AURKAIP1: variants seen among roughly 807,000 people sequenced by gnomAD.
AURKAIP1 encodes the protein aurora kinase A interacting protein 1.
In AURKAIP1, 20 loss-of-function variants were observed where a neutral mutation model predicts 18.4. That is an observed-to-expected ratio of 1.09 (90% CI 0.77 to 1.58). The LOEUF (loss-of-function observed/expected upper bound fraction) is 1.58, where lower values mean the gene tolerates loss of function less well. Ranked by LOEUF, AURKAIP1 falls within the 40% of genes most tolerant of loss-of-function variation. AURKAIP1 has a pLI of 0.00. For synonymous variants in AURKAIP1, 156 were observed against 120.8 expected, an observed-to-expected ratio of 1.29 and a Z score of -1.91; for missense variants, 319 against 270.7, an observed-to-expected ratio of 1.18 and a Z score of -1.25.
In AURKAIP1 at chr1:1,374,737, G is replaced by C. The variant is rs1316698314; in HGVS notation, c.20C>G (p.Thr7Ser). MLLGRL[T>S]SQLLRAVPWA... Reference sequence around the variant, plus strand: ...AGGAACGGCCCTCAACAGCTGGGAAGTCAGGCGCCCCAGGAGCATGGTCTG... The same window carrying C: ...AGGAACGGCCCTCAACAGCTGGGAACTCAGGCGCCCCAGGAGCATGGTCTG... The change falls in exon 2 of 4, where the codon ACT (threonine) becomes AGT (serine). Residue 7 changes from threonine to serine, a missense_variant. Coordinates refer to ENST00000338338, the MANE Select transcript of AURKAIP1 (RefSeq NM_017900.3). The C allele has an allele frequency of 2.6e-6, 4 of 1,561,240 alleles. No homozygotes were observed. The highest frequency in any genetic ancestry group is 3.5e-6 in the Non-Finnish European group (4 of 1,153,114).
chr1:1,375,053 T>C (rs906128527), intron 1 of AURKAIP1, 101 bp downstream of exon 1: 2 of 335,734 alleles, frequency 6.0e-6, no homozygotes, highest in Non-Finnish European at 1.1e-5. Flanking sequence ...CCCGCGCGAA[T>C]CGCGTTGCCT....
rs1251209102 is a variant in AURKAIP1, at chr1:1,374,847, G to GGCCGGGACTGGGGCGTCTGGTCCC, written c.-34-81_-34-58dup. ...GCAGCGCCTTCAGTAGTCGCGGGCG[G>GGCCGGGACTGGGGCGTCTGGTCCC]GCCGGGACTGGGGCGTCTGGTCCCG... On this transcript the variant is annotated intron_variant, in intron 1 of 3. Transcript: ENST00000338338. The GGCCGGGACTGGGGCGTCTGGTCCC allele has an allele frequency of 1.6e-4, 203 of 1,270,612 alleles. No individual in the cohort carries two copies. The African/African-American group carries it at 2.8e-3, about 18-fold the overall frequency. The allele number at this position is 1,270,612 out of a possible 1,614,324, so 78.7% of individuals were successfully genotyped here. A position where few individuals can be genotyped will look rare whatever the true frequency, so the allele number is the denominator to read the frequency against.
chr1:1,374,153 C>G lies in AURKAIP1; in HGVS notation c.345G>C (p.Gly115=). 2 of 1,613,984 alleles carry G rather than the reference C, an allele frequency of 1.2e-6. No individual in the cohort carries two copies. The highest frequency in any genetic ancestry group is 4.5e-5 in the East Asian group (2 of 44,890). The change falls in exon 3 of 4, where the codon GGG becomes GGC. Residue 115 remains glycine (G), a synonymous_variant. Coordinates refer to ENST00000338338, the MANE Select transcript of AURKAIP1 (RefSeq NM_017900.3). The stretch of plus-strand genomic sequence containing the variant: ...GAGGCGCATCCGCGACGCCTTCATC[C>G]CCCTGCTCGGCCCCTTCCCCTATCT... The part of the protein sequence containing the change: ...PSQIGEGAEQ[G]DEGVADAPQI...
Position 1,373,987 on chromosome 1 carries a change from G to A in AURKAIP1, c.498+13C>T, listed in dbSNP as rs765425357. On this transcript the variant is annotated intron_variant, in intron 3 of 3. Coordinates refer to ENST00000338338, the MANE Select transcript of AURKAIP1 (RefSeq NM_017900.3). ...CACTTTGCCCTCCCAGGGCCAAGCAGGGGGCCACTCACCTGCTTGCGTCTC... is the reference window on the plus strand; with the variant it reads ...CACTTTGCCCTCCCAGGGCCAAGCAAGGGGCCACTCACCTGCTTGCGTCTC... 3 of 1,608,272 alleles carry A rather than the reference G, an allele frequency of 1.9e-6. No individual in the cohort carries two copies. The highest frequency in any genetic ancestry group is 1.7e-4 in the Middle Eastern group (1 of 6,054).
rs772595313 is a variant in AURKAIP1 at position 1,374,270 on chromosome 1, G to C, written c.228C>G (p.Ser76Arg). Residue 76 changes from serine (S) to arginine (R), a missense_variant, in exon 3 of 4, where the codon AGC (serine) becomes AGG (arginine). By Grantham distance (110) the Ser-to-Arg change is moderately radical. Transcript: ENST00000338338. Reference sequence around the variant, plus strand: ...GCAGGAAGCAGCGGGCCGTGAGCCAGCTCTCCAGGGGGCTGACGGACATCT... The same window carrying C: ...GCAGGAAGCAGCGGGCCGTGAGCCACCTCTCCAGGGGGCTGACGGACATCT... ...PRKMSVSPLE[S>R]WLTARCFLPR... is the part of the protein sequence containing the mutation. 1.9e-6 allele frequency: 3 copies of C among 1,604,366 alleles called. No homozygotes were observed. Among genetic ancestry groups the C allele is most frequent in the African/African-American group, 1.3e-5 (1 of 74,852 alleles).
Position 1,373,775 on chromosome 1 carries a change from A to C in AURKAIP1, c.*26T>G. On this transcript the variant is annotated 3_prime_UTR_variant, in exon 4 of 4. Coordinates refer to ENST00000338338, the MANE Select transcript of AURKAIP1 (RefSeq NM_017900.3). ...ATTTATTACTACGGATCACAGCAGCAACGGGCGGGAAGGGCGGCGCCAGAC... is the reference window on the plus strand; with the variant it reads ...ATTTATTACTACGGATCACAGCAGCCACGGGCGGGAAGGGCGGCGCCAGAC... The C allele has an allele frequency of 1.9e-6, 3 of 1,579,844 alleles. No homozygotes were observed. The highest frequency in any genetic ancestry group is 2.6e-6 in the Non-Finnish European group (3 of 1,168,030).
chr1:1,374,783 C>A lies in AURKAIP1; in HGVS notation c.-27G>T. ...GTCTGTGGGCGGCGGCCACAGGTCC[C>A]AGGGGAGCTGGAACACAAGTGCCCG... is the stretch of plus-strand genomic sequence containing the variant. On this transcript the variant is annotated 5_prime_UTR_variant, in exon 2 of 4. Transcript: ENST00000338338. 1 of 1,550,102 alleles carries A rather than the reference C, an allele frequency of 6.5e-7. No individual in the cohort carries two copies. The highest frequency in any genetic ancestry group is 8.7e-7 in the Non-Finnish European group (1 of 1,146,962).
chr1:1,374,222 T>C lies in AURKAIP1; in HGVS notation c.276A>G (p.Ala92=), dbSNP rs766980530. ...CFLPRLDTGT[A]GTVAPPQSYQ... ...AGGATTGCGGTGGAGCCACAGTCCC[T>C]GCGGTCCCGGTATCCAGTCTGGGCA... Residue 92 remains alanine (A), a synonymous_variant, in exon 3 of 4, where the codon GCA becomes GCG. Transcript: ENST00000338338. 2 of 1,613,026 alleles carry C rather than the reference T, an allele frequency of 1.2e-6. No homozygotes were observed. The highest frequency in any genetic ancestry group is 1.1e-5 in the South Asian group (1 of 91,082).
At position 1,374,343 on chromosome 1, in the gene AURKAIP1, G is replaced by C. The variant is rs1320812861; in HGVS notation, c.155C>G (p.Pro52Arg). 1 of 1,556,862 alleles carries C rather than the reference G, an allele frequency of 6.4e-7. No homozygotes were observed. The highest frequency in any genetic ancestry group is 8.7e-7 in the Non-Finnish European group (1 of 1,154,544). Residue 52 changes from proline (P) to arginine (R), a missense_variant, in exon 3 of 4, where the codon CCT becomes CGT. Pro to Arg is a moderately radical substitution (Grantham distance 103, BLOSUM62 -2). Transcript: ENST00000338338. ...PAGPGRAASL[P>R]RKGAQLELEE... ...CAGCTCCAGCTGGGCCCCCTTGCGA[G>C]GGAGAGAGGCCGCCCTACCTGGGCC...
chr1:1,374,516 G>T (rs1644328852), intron 2 of AURKAIP1, 71 bp from the exon 3 acceptor site: 3 of 1,392,988 alleles, frequency 2.2e-6, no homozygotes. Flanking sequence ...GGAGCAGCAG[G>T]TTCGTCCCAG....
Position 1,373,832 on chromosome 1 carries a change from T to C in AURKAIP1, c.569A>G (p.Gln190Arg), listed in dbSNP as rs750795548. 5.0e-6 allele frequency: 8 copies of C among 1,600,812 alleles called. 1 individual carries two copies. The highest frequency in any genetic ancestry group is 1.7e-4 in the Middle Eastern group (1 of 5,740). ...AGLKEAPEGW[Q>R]TPKIYLRGK Reference sequence around the variant, plus strand: ...GCCCCGCAGGTAGATCTTGGGGGTCTGCCAGCCTTCGGGGGCTTCCTTTAG... The same window carrying C: ...GCCCCGCAGGTAGATCTTGGGGGTCCGCCAGCCTTCGGGGGCTTCCTTTAG... Residue 190 changes from glutamine (Q) to arginine (R), a missense_variant, in exon 4 of 4, where the codon CAG becomes CGG. Gln to Arg is a conservative substitution (Grantham distance 43, BLOSUM62 1). Transcript: ENST00000338338.
chr1:1,373,829 G>C lies in AURKAIP1; in HGVS notation c.572C>G (p.Thr191Ser), dbSNP rs138014192. 4.4e-6 allele frequency: 7 copies of C among 1,602,600 alleles called. No homozygotes were observed. In the African/African-American group the frequency reaches 8.0e-5, roughly 18 times the overall value. ...GLKEAPEGWQ[T>S]PKIYLRGK is the part of the protein sequence containing the mutation. ...TTTGCCCCGCAGGTAGATCTTGGGGGTCTGCCAGCCTTCGGGGGCTTCCTT... is the reference window on the plus strand; with the variant it reads ...TTTGCCCCGCAGGTAGATCTTGGGGCTCTGCCAGCCTTCGGGGGCTTCCTT... Residue 191 changes from threonine (T) to serine (S), a missense_variant, in exon 4 of 4, where the codon ACC becomes AGC. Physicochemically the swap from Thr to Ser is moderately conservative, Grantham distance 58. Coordinates refer to ENST00000338338, the MANE Select transcript of AURKAIP1 (RefSeq NM_017900.3).
chr1:1,374,539 G>C (rs768807674), intron 2 of AURKAIP1, 94 bp from the exon 3 acceptor site: 40 of 1,352,678 alleles, frequency 3.0e-5, no homozygotes, highest in Non-Finnish European at 4.0e-5. Context: ...AGGATCCCCC[G>C]CACCTCATTC....
intron 2 of AURKAIP1, 98 bp downstream of exon 2, chr1:1,374,605 AGT>A (rs1293877077): frequency 4.4e-5 from 62 of 1,401,094 alleles, no homozygotes; most frequent in Non-Finnish European, 5.5e-5. Context: ...GAGGGGAAAG[AGT>A]GTGTGTGTGG....
At chr1:1,374,916 AAGG>A (rs1644333957) in intron 1 of AURKAIP1, 126 bp from the exon 2 acceptor site, 1 of 630,010 alleles carries the variant, frequency 1.6e-6, no homozygotes, top group Non-Finnish European at 2.7e-6. Flanking sequence ...CCCAACCCAC[AAGG>A]AGGACTTTGC....
At position 1,374,138 on chromosome 1, in the gene AURKAIP1, C is replaced by T. The variant is rs776371674; in HGVS notation, c.360G>A (p.Ala120=). The change falls in exon 3 of 4, where the codon GCG becomes GCA. Residue 120 remains alanine, a synonymous_variant. Coordinates refer to ENST00000338338, the MANE Select transcript of AURKAIP1 (RefSeq NM_017900.3). ...EGAEQGDEGV[A]DAPQIQCKNV... is the part of the protein sequence containing the mutation. ...TTTTGCACTGAATTTGAGGCGCATC[C>T]GCGACGCCTTCATCCCCCTGCTCGG... The T allele has an allele frequency of 1.1e-5, 17 of 1,613,740 alleles. No homozygotes were observed. The Admixed American group carries it at 1.2e-4, about 11-fold the overall frequency.
rs774968538 is a variant in AURKAIP1, at chr1:1,373,809, C to G, written c.592G>C (p.Gly198Arg). 5 of 1,599,738 alleles carry G rather than the reference C, an allele frequency of 3.1e-6. No homozygotes were observed. Among genetic ancestry groups the G allele is most frequent in the Non-Finnish European group, 4.2e-6 (5 of 1,179,702 alleles). Reference sequence around the variant, plus strand: ...GAAGGGCGGCGCCAGACTCATTTGCCCCGCAGGTAGATCTTGGGGGTCTGC... The same window carrying G: ...GAAGGGCGGCGCCAGACTCATTTGCGCCGCAGGTAGATCTTGGGGGTCTGC... ...GWQTPKIYLR[G>R]K Residue 198 changes from glycine (G) to arginine (R), a missense_variant, in exon 4 of 4, where the codon GGC becomes CGC. Physicochemically the swap from Gly to Arg is moderately radical, Grantham distance 125 (BLOSUM62 -2). Coordinates refer to ENST00000338338, the MANE Select transcript of AURKAIP1 (RefSeq NM_017900.3).
At chr1:1,375,028 C>A (rs1644335284) in intron 1 of AURKAIP1, 126 bp downstream of exon 1, 1 of 404,148 alleles carries the variant, frequency 2.5e-6, no homozygotes, top group South Asian at 3.2e-5. Flanking sequence ...GGCCGGCCCC[C>A]TCCCCGGGTT....
At chr1:1,374,878 A>ACTGGGGCGTCTGGT in intron 1 of AURKAIP1, 88 bp from the exon 2 acceptor site, 1 of 869,154 alleles carries the variant, frequency 1.2e-6, no homozygotes, top group African/African-American at 1.8e-5. Context: ...TCCCGCCGCG[A>ACTGGGGCGTCTGGT]CCCTCGCTTC....
Sources: allele counts gnomAD v4.1 joint callset, GRCh38; gene constraint gnomAD v4.1.1; transcripts MANE v1.5; gene names NCBI Gene and HGNC (gene_info 2026-07-23, HGNC 2026-07-21).